Variants in SRGAP2B observed in about 807,000 individuals in gnomAD.
SRGAP2B encodes SLIT-ROBO Rho GTPase-activating protein 2B.
Under a neutral mutation model 22.2 loss-of-function variants are expected in SRGAP2B, and 9 were observed. The ratio of observed to expected loss-of-function variants is 0.41; its 90% CI spans 0.24 to 0.71. The LOEUF (loss-of-function observed/expected upper bound fraction) is 0.71, where lower values mean the gene tolerates loss of function less well. Among genes scored for constraint, SRGAP2B ranks in the 30% least tolerant of loss-of-function variants. The pLI is 0.35. For synonymous variants in SRGAP2B, 36 were observed against 87.4 expected, an observed-to-expected ratio of 0.41 and a Z score of 3.28; for missense variants, 114 against 235.8, an observed-to-expected ratio of 0.48 and a Z score of 3.38.
At chr1:145,071,059 T>TG (rs1458123854) in intron 2 of SRGAP2B, among the ~76,000 whole-genome samples, 1 of 2,114 alleles carries the variant, frequency 4.7e-4, no homozygotes, top group Non-Finnish European at 9.5e-4. Flanking sequence ...TCATTTCACT[T>TG]GGAGCCTCGT....
In SRGAP2B at chr1:144,945,615, A is replaced by C. The variant is rs1430399618; in HGVS notation, c.423+9824T>G. 3.5e-4 allele frequency among the ~76,000 whole-genome samples: 53 copies of C among 150,684 alleles called. 2 individuals are homozygous for C. Among genetic ancestry groups the C allele is most frequent in the African/African-American group, 1.0e-3 (41 of 40,234 alleles). ...AAAACAAACAAACAAACAAACAAAC[A>C]AACAAACAAAAAGATGATATATTAC... On this transcript the variant is annotated intron_variant, in intron 4 of 9. Transcript: ENST00000612199.
At chr1:145,020,687 A>G (rs1179534840) in intron 2 of SRGAP2B, among the ~76,000 whole-genome samples, 1 of 148,630 alleles carries the variant, frequency 6.7e-6, no homozygotes, top group African/African-American at 2.6e-5. Flanking sequence ...CATCAAAAAT[A>G]CCTGTTGCAC....
intron 4 of SRGAP2B, among the ~76,000 whole-genome samples, chr1:144,954,593 T>C (rs1667123963): frequency 6.6e-6 from 1 of 150,668 alleles, no homozygotes; most frequent in South Asian, 2.1e-4. Context: ...GGTTGGGGCC[T>C]TCACCGCTGT....
At chr1:145,068,905 G>A (rs112581261) in intron 2 of SRGAP2B, among the ~76,000 whole-genome samples, 84 of 95,138 alleles carry the variant, frequency 8.8e-4, no homozygotes, top group African/African-American at 4.1e-3. Flanking sequence ...GTGTGTGTGT[G>A]TGTGTGTGTG....
intron 3 of SRGAP2B, among the ~76,000 whole-genome samples, chr1:144,966,980 G>A (rs1275983847): frequency 5.3e-5 from 7 of 132,616 alleles, no homozygotes; most frequent in Admixed American, 5.3e-4. Flanking sequence ...GGAGCACCCA[G>A]ATTCATAAAG....
intron 4 of SRGAP2B, among the ~76,000 whole-genome samples, chr1:144,934,707 T>C (rs587617583): frequency 6.6e-6 from 1 of 150,770 alleles, no homozygotes; most frequent in South Asian, 2.1e-4. Flanking sequence ...AAAAGGCAAA[T>C]CTGTCCATGG....
intron 4 of SRGAP2B, among the ~76,000 whole-genome samples, chr1:144,930,524 A>G (rs1665087099): frequency 1.4e-5 from 2 of 145,692 alleles, no homozygotes; most frequent in African/African-American, 5.3e-5. Context: ...GGAACTCTAC[A>G]AGAAATTCTA....
chr1:144,990,862 C>T (rs1338281197), intron 3 of SRGAP2B, among the ~76,000 whole-genome samples: 4 of 151,456 alleles, frequency 2.6e-5, no homozygotes, highest in African/African-American at 4.9e-5. Flanking sequence ...CTCGATTTCT[C>T]GCTGGGCCTT....
At chr1:145,061,580 T>C (rs1650909800) in intron 2 of SRGAP2B, among the ~76,000 whole-genome samples, 2 of 149,808 alleles carry the variant, frequency 1.3e-5, no homozygotes, top group Non-Finnish European at 3.0e-5. Context: ...TGAATATGTG[T>C]ACATTCACTT....
At chr1:145,018,008 A>G (rs1672553838) in intron 2 of SRGAP2B, among the ~76,000 whole-genome samples, 1 of 150,888 alleles carries the variant, frequency 6.6e-6, no homozygotes, top group Non-Finnish European at 1.5e-5. Flanking sequence ...GTTCTGGCAC[A>G]GAATCTTCCA....
chr1:144,964,790 G>A (rs587615301), intron 3 of SRGAP2B, among the ~76,000 whole-genome samples: 18 of 150,514 alleles, frequency 1.2e-4, no homozygotes, highest in Non-Finnish European at 1.6e-4. Flanking sequence ...ATGGTGACAC[G>A]TGCCTGTACT....
chr1:144,933,465 C>T (rs1665363227), intron 4 of SRGAP2B, among the ~76,000 whole-genome samples: 1 of 142,064 alleles, frequency 7.0e-6, no homozygotes, highest in South Asian at 2.3e-4. Context: ...CTATCCTTAA[C>T]TCTTTCTCCT....
intron 2 of SRGAP2B, among the ~76,000 whole-genome samples, chr1:145,075,624 A>C (rs1490509765): frequency 5.8e-5 from 4 of 69,018 alleles, no homozygotes; most frequent in Admixed American, 5.0e-4. Context: ...GGAATTTCTT[A>C]TATATCAAAT....
At chr1:145,084,071 CTTTTTTTTTT>C (rs1553635074) in intron 2 of SRGAP2B, among the ~76,000 whole-genome samples, 1 of 134,170 alleles carries the variant, frequency 7.5e-6, no homozygotes, top group Non-Finnish European at 1.6e-5. Context: ...TCTTTCTTTT[CTTTTTTTTTT>C]TTTTTTTTTG....
chr1:144,971,495 C>A (rs1668520112), intron 3 of SRGAP2B, among the ~76,000 whole-genome samples: 1 of 150,262 alleles, frequency 6.7e-6, no homozygotes, highest in Non-Finnish European at 1.5e-5. Flanking sequence ...ACGGGCATGA[C>A]CATGGTTCAC....
intron 3 of SRGAP2B, among the ~76,000 whole-genome samples, chr1:144,969,803 AAAAC>A (rs1668361871): frequency 1.3e-5 from 2 of 150,994 alleles, no homozygotes; most frequent in African/African-American, 4.9e-5. Context: ...TACAAGAAAA[AAAAC>A]AAACAACCCC....
At chr1:144,958,950 T>C (rs1212458268) in intron 3 of SRGAP2B, among the ~76,000 whole-genome samples, 4 of 150,142 alleles carry the variant, frequency 2.7e-5, no homozygotes, top group Admixed American at 2.6e-4. Flanking sequence ...CGCAGGCTGC[T>C]AGCATTGTTT....
intron 2 of SRGAP2B, among the ~76,000 whole-genome samples, chr1:145,082,469 T>G (rs1241137436): frequency 1.3e-5 from 2 of 149,606 alleles, no homozygotes; most frequent in African/African-American, 5.1e-5. Flanking sequence ...TAGTGCCTGA[T>G]TAAAATGGTG....
chr1:145,068,133 G>A (rs1436298373), intron 2 of SRGAP2B, among the ~76,000 whole-genome samples: 1 of 57,982 alleles, frequency 1.7e-5, no homozygotes, highest in Non-Finnish European at 3.4e-5. Context: ...AACCCGGGAG[G>A]TGGAGGTTGC....
Sources: gnomAD v4.1 joint callset for allele counts (sites outside exome capture counted in the v4.1 genomes callset) on GRCh38, gnomAD v4.1.1 for gene constraint, MANE v1.5 for transcripts, NCBI Gene and HGNC (gene_info 2026-07-23, HGNC 2026-07-21) for gene names.